Variants in LRRK1 observed in about 807,000 individuals in gnomAD.
LRRK1 encodes the protein leucine-rich repeat serine/threonine-protein kinase 1.
Under a neutral mutation model 209.1 loss-of-function variants are expected in LRRK1, and 113 were observed. That is an observed-to-expected ratio of 0.54 (90% CI 0.46 to 0.63). The LOEUF (loss-of-function observed/expected upper bound fraction) is 0.63. Ranked by LOEUF, LRRK1 falls within the 30% of genes least tolerant of loss-of-function variation. The pLI is 0.00. For synonymous variants in LRRK1, 1,144 were observed against 1,099.7 expected (o/e 1.04, Z -0.80); for missense variants, 2,284 against 2,632.2 (o/e 0.87, Z 2.89).
Position 101,071,451 on chromosome 15 carries a change from G to A in LRRK1, c.*2603G>A, listed in dbSNP as rs376427282. ...GTTGCCCAGGCTGGAGTGCAATGGC[G>A]CGATCTCAGCTCACTGCCACCTCCG... On this transcript the variant is annotated 3_prime_UTR_variant, in exon 34 of 34. Transcript: ENST00000388948. 8.7e-4 allele frequency: 132 copies of A among 152,430 alleles called. No individual in the cohort carries two copies. The highest frequency in any genetic ancestry group is 3.3e-3 in the Middle Eastern group (1 of 300). The allele number at this position is 152,430 out of a possible 1,614,324, so 9.4% of individuals were successfully genotyped here. A position where few individuals can be genotyped will look rare whatever the true frequency, so the allele number is the denominator to read the frequency against.
At chr15:101,064,175 C>G (rs2036380795) in intron 31 of LRRK1, among the ~76,000 whole-genome samples, 1 of 152,278 alleles carries the variant, frequency 6.6e-6, no homozygotes, top group African/African-American at 2.4e-5. Flanking sequence ...GCCTGTTTGC[C>G]TTGGCTGCCT....
In LRRK1 at chr15:101,026,840, C is replaced by T. The variant is rs140542156; in HGVS notation, c.2406-421C>T. 4.5e-4 allele frequency among the ~76,000 whole-genome samples: 68 copies of T among 152,346 alleles called. 4 individuals carry two copies. In the East Asian group the frequency reaches 7.7e-3, roughly 17 times the overall value. On this transcript the variant is annotated intron_variant, in intron 17 of 33. Coordinates refer to ENST00000388948, the MANE Select transcript of LRRK1 (RefSeq NM_024652.6). ...TTGGTGCATGGGTCAGCCTGGGACACATTGGCCTGGCTCGGAATACAGGAT... is the reference window on the plus strand; with the variant it reads ...TTGGTGCATGGGTCAGCCTGGGACATATTGGCCTGGCTCGGAATACAGGAT...
chr15:100,962,810 T>TATACACATATATATATATATAC (rs2030109115), intron 2 of LRRK1, among the ~76,000 whole-genome samples: 1 of 30,234 alleles, frequency 3.3e-5, no homozygotes, highest in African/African-American at 1.1e-4. Context: ...TATATATATA[T>TATACACATATATATATATATAC]ATATATATAT....
At position 101,059,173 on chromosome 15, in the gene LRRK1, T is replaced by G. The variant is rs532772112; in HGVS notation, c.4679+1032T>G. Among the ~76,000 whole-genome samples, 4 of 152,334 alleles carry G rather than the reference T, an allele frequency of 2.6e-5. No individual in the cohort carries two copies. In the East Asian group the frequency reaches 7.7e-4, roughly 29 times the overall value. On this transcript the variant is annotated intron_variant, in intron 29 of 33. Coordinates refer to ENST00000388948, the MANE Select transcript of LRRK1 (RefSeq NM_024652.6). ...AGGAGGCTGAGGCAGGTGGATCTTT[T>G]GAGTTCAGGAGTTTGAGACCAGTCT...
chr15:100,925,206 G>A (rs921865802), intron 2 of LRRK1, among the ~76,000 whole-genome samples: 1 of 152,198 alleles, frequency 6.6e-6, no homozygotes, highest in East Asian at 1.9e-4. Flanking sequence ...CTTACAAGGT[G>A]TATGTAATGT....
intron 4 of LRRK1, 168 bp downstream of exon 4, chr15:100,983,867 C>T: frequency 1.3e-6 from 1 of 772,370 alleles, no homozygotes; most frequent in Non-Finnish European, 2.4e-6. Context: ...CCACATTCCA[C>T]CTCTCACTCC....
chr15:101,065,031 G>A (rs996515206), intron 31 of LRRK1: 193 of 390,142 alleles, frequency 4.9e-4, no homozygotes, highest in Admixed American at 3.4e-4. Context: ...CCTGCTGCTC[G>A]CCCTGCAAGA....
At chr15:100,958,977 C>T (rs1296648924) in intron 2 of LRRK1, among the ~76,000 whole-genome samples, 1 of 152,192 alleles carries the variant, frequency 6.6e-6, no homozygotes, top group African/African-American at 2.4e-5. Context: ...AAAGCCCCCA[C>T]ATATTATCTT....
intron 3 of LRRK1, chr15:100,974,241 C>T (rs958427394): frequency 1.2e-5 from 4 of 345,872 alleles, no homozygotes; most frequent in Admixed American, 9.5e-5. Flanking sequence ...AAATGCCACC[C>T]AGAGGCTTAA....
chr15:101,024,472 C>T lies in LRRK1; in HGVS notation c.2068-331C>T, dbSNP rs1567241012. The stretch of plus-strand genomic sequence containing the variant: ...AGGGAGGCTGAACCCCAGTGCAAGC[C>T]GTGACATCAGAGCACAGCTTCCTCC... On this transcript the variant is annotated intron_variant, in intron 15 of 33. Coordinates refer to ENST00000388948, the MANE Select transcript of LRRK1 (RefSeq NM_024652.6). The surrounding 1 kb of genome is among the most constrained non-coding windows in gnomAD (Gnocchi z 4.6). Among the ~76,000 whole-genome samples, 1 of 152,180 alleles carries T rather than the reference C, an allele frequency of 6.6e-6. No homozygotes were observed. The highest frequency in any genetic ancestry group is 1.5e-5 in the Non-Finnish European group (1 of 68,026).
intron 33 of LRRK1, chr15:101,067,356 C>T (rs1229641231): frequency 4.4e-6 from 2 of 450,314 alleles, no homozygotes; most frequent in Middle Eastern, 3.4e-4. Context: ...ACAGTGTTTA[C>T]ACCCCGCACT....
chr15:100,993,211 T>C (rs1469772772), intron 6 of LRRK1, among the ~76,000 whole-genome samples: 1 of 152,242 alleles, frequency 6.6e-6, no homozygotes, highest in Non-Finnish European at 1.5e-5. Flanking sequence ...GTTACCTGTT[T>C]CTTGAGTTGA....
chr15:100,940,868 A>C (rs989578166), intron 2 of LRRK1, among the ~76,000 whole-genome samples: 1 of 152,194 alleles, frequency 6.6e-6, no homozygotes, highest in African/African-American at 2.4e-5. Context: ...TGACTGTGTG[A>C]TTTGTGTAGG....
chr15:101,059,936 TGG>T (rs1168729687), intron 29 of LRRK1, among the ~76,000 whole-genome samples: 1 of 152,198 alleles, frequency 6.6e-6, no homozygotes, highest in Admixed American at 6.5e-5. Flanking sequence ...TGGGCCAGAC[TGG>T]TCCTGGGAGG....
At chr15:101,053,462 G>A in intron 26 of LRRK1, 42 bp downstream of exon 26, 1 of 1,514,906 alleles carries the variant, frequency 6.6e-7, no homozygotes, top group Non-Finnish European at 8.9e-7. Context: ...GAGACCGACA[G>A]AGCCCCGGGC....
At chr15:101,013,535 G>A (rs1179574170) in intron 10 of LRRK1, among the ~76,000 whole-genome samples, 1 of 152,176 alleles carries the variant, frequency 6.6e-6, no homozygotes, top group African/African-American at 2.4e-5. Context: ...GACTGCTTGA[G>A]GCCAGGAGTT....
At position 101,060,102 on chromosome 15, in the gene LRRK1, G is replaced by A. The variant is rs982472750; in HGVS notation, c.4680-1069G>A. 2.0e-5 allele frequency among the ~76,000 whole-genome samples: 3 copies of A among 152,200 alleles called. No homozygotes were observed. In the South Asian group the frequency reaches 6.2e-4, roughly 32 times the overall value. Reference sequence around the variant, plus strand: ...TCTTTAAAACTCACTGCGGCCTGAAGAGAGACTCACTCACAGGAAGGGAGG... The same window carrying A: ...TCTTTAAAACTCACTGCGGCCTGAAAAGAGACTCACTCACAGGAAGGGAGG... On this transcript the variant is annotated intron_variant, in intron 29 of 33. Coordinates refer to ENST00000388948, the MANE Select transcript of LRRK1 (RefSeq NM_024652.6).
At chr15:100,980,347 A>G (rs756475820) in intron 3 of LRRK1, among the ~76,000 whole-genome samples, 2 of 152,148 alleles carry the variant, frequency 1.3e-5, no homozygotes, top group Non-Finnish European at 2.9e-5. Context: ...TTTATGTAAC[A>G]TTCTCAAAAT....
At chr15:101,068,444 C>T (rs141996305) in intron 33 of LRRK1, among the ~76,000 whole-genome samples, 8 of 152,252 alleles carry the variant, frequency 5.3e-5, no homozygotes, top group African/African-American at 1.2e-4. Flanking sequence ...CCCATGGACG[C>T]GAACTCATGC....
Sources: gnomAD v4.1 joint callset for allele counts (sites outside exome capture counted in the v4.1 genomes callset) on GRCh38, gnomAD v4.1.1 for gene constraint, Gnocchi (gnomAD v3.1) non-coding constraint, MANE v1.5 for transcripts, NCBI Gene and HGNC (gene_info 2026-07-23, HGNC 2026-07-21) for gene names.